The following ST8SIA6 variants were observed in gnomAD, a reference collection of about 807,000 sequenced individuals.
ST8SIA6 encodes ST8 alpha-N-acetyl-neuraminide alpha-2,8-sialyltransferase 6, also known as alpha-2,8-sialyltransferase 8F.
ST8SIA6 carries 39 observed loss-of-function variants against 33.6 expected under a neutral mutation model. The ratio of observed to expected loss-of-function variants is 1.16; its 90% CI spans 0.90 to 1.52. The LOEUF (loss-of-function observed/expected upper bound fraction) is 1.52, where lower values mean the gene tolerates loss of function less well. Among genes scored for constraint, ST8SIA6 ranks in the 40% most tolerant of loss-of-function variants. The pLI is 0.00. For missense variants in ST8SIA6, 441 were observed against 443.8 expected (o/e 0.99, Z 0.06); for synonymous variants, 172 against 167.2 (o/e 1.03, Z -0.22).
intron 2 of ST8SIA6, among the ~76,000 whole-genome samples, chr10:17,438,240 C>T (rs893959528): frequency 1.5e-4 from 23 of 152,258 alleles, no homozygotes; most frequent in Admixed American, 3.9e-4. Context: ...GAAGAGTTAT[C>T]ATCTTTCTTG....
chr10:17,450,747 G>A (rs1171537297), intron 2 of ST8SIA6, among the ~76,000 whole-genome samples: 1 of 152,152 alleles, frequency 6.6e-6, no homozygotes, highest in Non-Finnish European at 1.5e-5. Flanking sequence ...CGGCCTACTT[G>A]GATAGCATCT....
At chr10:17,399,656 C>T (rs556449755) in intron 2 of ST8SIA6, among the ~76,000 whole-genome samples, 2 of 152,224 alleles carry the variant, frequency 1.3e-5, no homozygotes, top group South Asian at 4.2e-4. Flanking sequence ...GTGGCTTACA[C>T]CTGTAATCCC....
At chr10:17,401,302 C>T (rs1262668308) in intron 2 of ST8SIA6, among the ~76,000 whole-genome samples, 1 of 152,208 alleles carries the variant, frequency 6.6e-6, no homozygotes. Context: ...AATGAAAGAA[C>T]ATTCCATGCT....
chr10:17,409,192 A>G (rs1051517566), intron 2 of ST8SIA6: 4 of 152,410 alleles, frequency 2.6e-5, no homozygotes, highest in African/African-American at 7.2e-5. Flanking sequence ...ATAATTTACA[A>G]ATACTTAAAT....
intron 3 of ST8SIA6, among the ~76,000 whole-genome samples, chr10:17,386,337 G>C (rs1279821170): frequency 1.3e-5 from 2 of 151,982 alleles, no homozygotes; most frequent in South Asian, 4.2e-4. Context: ...CGATCACAAG[G>C]TCAGGAGCCT....
At chr10:17,427,816 T>C (rs961493522) in intron 2 of ST8SIA6, among the ~76,000 whole-genome samples, 4 of 152,252 alleles carry the variant, frequency 2.6e-5, no homozygotes, top group African/African-American at 9.6e-5. Flanking sequence ...GATAAGGCGA[T>C]GCCTTGCACT....
At chr10:17,434,530 A>C (rs1234232085) in intron 2 of ST8SIA6, among the ~76,000 whole-genome samples, 1 of 152,206 alleles carries the variant, frequency 6.6e-6, no homozygotes, top group African/African-American at 2.4e-5. Context: ...AAGAAAAGAA[A>C]ATCATCTTTT....
intron 4 of ST8SIA6, among the ~76,000 whole-genome samples, chr10:17,352,471 T>TTGTACCAGTGTAAACAATGTAA (rs1564416495): frequency 6.6e-6 from 1 of 152,158 alleles, no homozygotes; most frequent in African/African-American, 2.4e-5. Flanking sequence ...TACTTTGATA[T>TTGTACCAGTGTAAACAATGTAA]TGTACCAGTG....
intron 3 of ST8SIA6, among the ~76,000 whole-genome samples, chr10:17,381,340 G>A (rs1416210781): frequency 6.6e-6 from 1 of 152,070 alleles, no homozygotes; most frequent in East Asian, 1.9e-4. Context: ...GTCTATAATA[G>A]GAAAAAGGGG....
intron 2 of ST8SIA6, among the ~76,000 whole-genome samples, chr10:17,415,293 G>T (rs1487398546): frequency 6.6e-6 from 1 of 152,188 alleles, no homozygotes; most frequent in Non-Finnish European, 1.5e-5. Context: ...CAAATGCAGA[G>T]AAGGACTTTC....
At chr10:17,346,223 C>G (rs1412768612) in intron 4 of ST8SIA6, among the ~76,000 whole-genome samples, 2 of 152,206 alleles carry the variant, frequency 1.3e-5, no homozygotes, top group African/African-American at 4.8e-5. Context: ...GGTAACTTAA[C>G]TGACATGTGA....
chr10:17,384,990 CAG>C (rs1192633009), intron 3 of ST8SIA6, among the ~76,000 whole-genome samples: 2 of 151,942 alleles, frequency 1.3e-5, no homozygotes, highest in African/African-American at 2.4e-5. Context: ...AATCTGAAAC[CAG>C]AGAGTCTGTT....
chr10:17,407,537 C>T (rs1316951847), intron 2 of ST8SIA6, among the ~76,000 whole-genome samples: 1 of 152,210 alleles, frequency 6.6e-6, no homozygotes, highest in African/African-American at 2.4e-5. Flanking sequence ...ATTCTTTACT[C>T]CATAAATATC....
chr10:17,403,864 A>G (rs757994802), intron 2 of ST8SIA6, among the ~76,000 whole-genome samples: 1 of 151,998 alleles, frequency 6.6e-6, no homozygotes. Context: ...GGAGTTTGAG[A>G]CCAGCCTGGT....
chr10:17,445,522 AC>A (rs1852673158), intron 2 of ST8SIA6, among the ~76,000 whole-genome samples: 2 of 152,180 alleles, frequency 1.3e-5, no homozygotes, highest in South Asian at 4.1e-4. Context: ...TTCTCCTCCC[AC>A]CGTCTGCCTT....
chr10:17,373,644 A>G (rs1325834788), intron 3 of ST8SIA6, among the ~76,000 whole-genome samples: 2 of 152,212 alleles, frequency 1.3e-5, no homozygotes, highest in African/African-American at 2.4e-5. Flanking sequence ...CAAATAAACT[A>G]TACCTTTAAC....
intron 2 of ST8SIA6, among the ~76,000 whole-genome samples, chr10:17,430,987 C>T (rs1852084692): frequency 6.6e-6 from 1 of 152,142 alleles, no homozygotes; most frequent in South Asian, 2.1e-4. Flanking sequence ...TACACAGGCA[C>T]CAAGCGAGAC....
In ST8SIA6 at chr10:17,316,633, A is replaced by G. The variant is rs981707398; in HGVS notation, c.*4245T>C. Among the ~76,000 whole-genome samples the G allele has an allele frequency of 6.6e-6, 1 of 152,160 alleles. No homozygotes were observed. Among genetic ancestry groups the G allele is most frequent in the Non-Finnish European group, 1.5e-5 (1 of 67,982 alleles). ...AATCAGCTTATACTTCCACACTTGA[A>G]GTTAATGACCTTACTCATTTTTACC... On this transcript the variant is annotated 3_prime_UTR_variant, in exon 8 of 8. Coordinates refer to ENST00000377602, the MANE Select transcript of ST8SIA6 (RefSeq NM_001004470.3).
intron 4 of ST8SIA6, among the ~76,000 whole-genome samples, chr10:17,353,672 T>C (rs962041668): frequency 1.3e-5 from 2 of 152,206 alleles, no homozygotes; most frequent in Admixed American, 6.5e-5. Flanking sequence ...TAGTTATCTG[T>C]AACAAAGTAA....
Sources: gnomAD v4.1 joint callset for allele counts (sites outside exome capture counted in the v4.1 genomes callset) on GRCh38, gnomAD v4.1.1 for gene constraint, MANE v1.5 for transcripts, NCBI Gene and HGNC (gene_info 2026-07-23, HGNC 2026-07-21) for gene names.